Variants in LRRC4C observed in about 807,000 individuals in gnomAD.
LRRC4C encodes leucine-rich repeat-containing protein 4C.
In LRRC4C, 5 loss-of-function variants were observed where a neutral mutation model predicts 33.6. The observed-to-expected ratio is 0.15, with a 90% CI of 0.08 to 0.31. LRRC4C has a LOEUF of 0.31. LRRC4C is among the 10% of genes least tolerant of loss of function. The probability of loss-of-function intolerance (pLI) is 1.00; values close to 1 mark genes in which losing one functional copy is unlikely to be tolerated. For synonymous variants in LRRC4C, 329 were observed against 302.0 expected, an observed-to-expected ratio of 1.09 and a Z score of -0.93; for missense variants, 560 against 796.7, an observed-to-expected ratio of 0.70 and a Z score of 3.58.
intron 2 of LRRC4C, among the ~76,000 whole-genome samples, chr11:40,695,237 G>T (rs1162835928): frequency 6.6e-6 from 1 of 152,094 alleles, no homozygotes; most frequent in Non-Finnish European, 1.5e-5. Context: ...GTATATGTTG[G>T]CTCTGTGTAT....
At chr11:40,759,981 A>G (rs1949127501) in intron 2 of LRRC4C, among the ~76,000 whole-genome samples, 1 of 151,798 alleles carries the variant, frequency 6.6e-6, no homozygotes, top group Non-Finnish European at 1.5e-5. Context: ...AAAAAAAGGA[A>G]AAAGGAGTAA....
chr11:40,938,961 G>A (rs1434757707), intron 1 of LRRC4C, among the ~76,000 whole-genome samples: 1 of 151,982 alleles, frequency 6.6e-6, no homozygotes, highest in Non-Finnish European at 1.5e-5. Context: ...GGGACAAACA[G>A]AGAAAATATT....
chr11:40,704,889 T>A (rs1327683831), intron 2 of LRRC4C, among the ~76,000 whole-genome samples: 4 of 152,140 alleles, frequency 2.6e-5, no homozygotes, highest in African/African-American at 9.7e-5. Flanking sequence ...TGAATTTAAA[T>A]TTAATACAAT....
At chr11:40,548,263 G>A (rs76090478) in intron 3 of LRRC4C, among the ~76,000 whole-genome samples, 14,097 of 152,102 alleles carry the variant, frequency 0.093, 793 homozygotes, top group Middle Eastern at 0.14. Flanking sequence ...CAGCAACTCT[G>A]CATGTGACTT....
At chr11:41,048,792 G>A (rs1421500274) in intron 1 of LRRC4C, among the ~76,000 whole-genome samples, 1 of 151,978 alleles carries the variant, frequency 6.6e-6, no homozygotes, top group Non-Finnish European at 1.5e-5. Flanking sequence ...CTATGTGTTG[G>A]ACACTATAAC....
chr11:40,675,432 T>C (rs1944349106), intron 2 of LRRC4C, among the ~76,000 whole-genome samples: 1 of 152,170 alleles, frequency 6.6e-6, no homozygotes, highest in Non-Finnish European at 1.5e-5. Flanking sequence ...GATAGTAGGG[T>C]AGCTGGGAAA....
intron 1 of LRRC4C, among the ~76,000 whole-genome samples, chr11:41,353,402 T>C (rs1046838174): frequency 1.3e-5 from 2 of 151,910 alleles, no homozygotes; most frequent in Non-Finnish European, 2.9e-5. Flanking sequence ...TAAGAAAAAT[T>C]CCTGGATCAG....
intron 2 of LRRC4C, among the ~76,000 whole-genome samples, chr11:40,774,221 C>A (rs919395352): frequency 1.3e-5 from 2 of 151,946 alleles, no homozygotes; most frequent in Non-Finnish European, 2.9e-5. Context: ...TATAGATATA[C>A]CACACTTAAA....
At chr11:40,242,850 A>G (rs1190427547) in intron 4 of LRRC4C, among the ~76,000 whole-genome samples, 2 of 152,198 alleles carry the variant, frequency 1.3e-5, no homozygotes, top group African/African-American at 4.8e-5. Context: ...AAGCTTGAAC[A>G]ACCCAAGTGT....
chr11:40,959,501 A>G (rs890884336), intron 1 of LRRC4C, among the ~76,000 whole-genome samples: 1 of 151,724 alleles, frequency 6.6e-6, no homozygotes, highest in East Asian at 1.9e-4. Flanking sequence ...TTTAATGCCA[A>G]AATGTTAACA....
chr11:40,575,087 C>T (rs988170637), intron 3 of LRRC4C, among the ~76,000 whole-genome samples: 1 of 152,096 alleles, frequency 6.6e-6, no homozygotes, highest in African/African-American at 2.4e-5. Flanking sequence ...CTCCAGTTCT[C>T]CATATCTCAG....
At chr11:40,240,258 C>A (rs1865843593) in intron 5 of LRRC4C, among the ~76,000 whole-genome samples, 1 of 152,088 alleles carries the variant, frequency 6.6e-6, no homozygotes, top group South Asian at 2.1e-4. Flanking sequence ...GAATGTATAC[C>A]TTTCATTCAC....
chr11:40,902,215 C>T (rs989633635), intron 2 of LRRC4C, among the ~76,000 whole-genome samples: 1 of 151,998 alleles, frequency 6.6e-6, no homozygotes, highest in African/African-American at 2.4e-5. Context: ...ATTTGAAATG[C>T]TTTCATTATT....
At chr11:40,981,079 TG>T (rs1207659904) in intron 1 of LRRC4C, among the ~76,000 whole-genome samples, 3 of 152,126 alleles carry the variant, frequency 2.0e-5, no homozygotes, top group African/African-American at 4.8e-5. Context: ...TAGTCGGGTA[TG>T]GGGGCTGGGA....
intron 3 of LRRC4C, among the ~76,000 whole-genome samples, chr11:40,534,843 A>G (rs902714359): frequency 1.3e-5 from 2 of 152,192 alleles, no homozygotes; most frequent in Admixed American, 6.5e-5. Flanking sequence ...GTTATGAAGG[A>G]TAATGGTGTT....
intron 2 of LRRC4C, among the ~76,000 whole-genome samples, chr11:40,689,061 AT>A: frequency 6.6e-6 from 1 of 152,228 alleles, no homozygotes; most frequent in East Asian, 1.9e-4. Context: ...CTAATTTAAA[AT>A]AGAAAAAGAG....
At chr11:40,986,885 G>A (rs190710716) in intron 1 of LRRC4C, among the ~76,000 whole-genome samples, 1 of 152,276 alleles carries the variant, frequency 6.6e-6, no homozygotes, top group African/African-American at 2.4e-5. Context: ...CAATCCGAAT[G>A]AGAAAGCTGC....
chr11:40,719,936 TA>T (rs5791400), intron 2 of LRRC4C, among the ~76,000 whole-genome samples: 85,078 of 151,458 alleles, frequency 0.56, 24,130 homozygotes, highest in African/African-American at 0.62. Context: ...TTCCTTTAAT[TA>T]AAAAAAAAAT....
intron 1 of LRRC4C, among the ~76,000 whole-genome samples, chr11:41,436,783 T>G (rs1211251722): frequency 6.6e-6 from 1 of 152,198 alleles, no homozygotes; most frequent in Non-Finnish European, 1.5e-5. Context: ...CCAACGTTTC[T>G]CAAAAGCTGA....
Sources: gnomAD v4.1 joint callset for allele counts (sites outside exome capture counted in the v4.1 genomes callset) on GRCh38, gnomAD v4.1.1 for gene constraint, MANE v1.5 for transcripts, NCBI Gene and HGNC (gene_info 2026-07-23, HGNC 2026-07-21) for gene names.